The following RNF112 variants were observed in gnomAD, a reference collection of about 807,000 sequenced individuals.
The protein encoded by RNF112 is brain finger protein.
RNF112 carries 34 observed loss-of-function variants against 64.7 expected under a neutral mutation model. The ratio of observed to expected loss-of-function variants is 0.53; its 90% CI spans 0.40 to 0.70. The LOEUF (loss-of-function observed/expected upper bound fraction) is 0.70, where lower values mean the gene tolerates loss of function less well. Among genes scored for constraint, RNF112 ranks in the 30% least tolerant of loss-of-function variants. The probability of loss-of-function intolerance (pLI) is 0.00; values close to 1 mark genes in which losing one functional copy is unlikely to be tolerated. For synonymous variants in RNF112, 345 were observed against 344.5 expected (o/e 1.00, Z -0.02); for missense variants, 734 against 850.0 (o/e 0.86, Z 1.70).
At chr17:19,411,778 G>A (rs1016023138) in intron 2 of RNF112, 108 bp downstream of exon 2, 9 of 1,191,562 alleles carry the variant, frequency 7.6e-6, no homozygotes, top group Middle Eastern at 2.3e-4. Flanking sequence ...CGGGAGGGCT[G>A]TCCGCCTGAG....
Position 19,415,036 on chromosome 17 carries a change from A to G in RNF112, c.1127-2A>G. The G allele has an allele frequency of 1.3e-6, 2 of 1,586,162 alleles. No individual in the cohort carries two copies. The highest frequency in any genetic ancestry group is 2.3e-5 in the East Asian group (1 of 44,422). On this transcript the variant is annotated splice_acceptor_variant, in intron 10 of 13. Transcript: ENST00000461366. LOFTEE classifies it high-confidence loss of function. This position sits in a 1 kb window ranked among gnomAD's most constrained non-coding sequence, Gnocchi z 7.8. ...CTCTCAGCATGCACATCTCTCCCTC[A>G]GACACAGATGATGACTTCCGCCACC...
In RNF112 at chr17:19,412,060, C is replaced by T. The variant is rs1913680007; in HGVS notation, c.95+390C>T. ...GAGAGGCTCTTCCCAAGCATTTGCA[C>T]CAGGCACTGTGCAGACAGCTGCACA... On this transcript the variant is annotated intron_variant, in intron 2 of 13. Transcript: ENST00000461366. The surrounding 1 kb of genome is among the most constrained non-coding windows in gnomAD (Gnocchi z 5.1). 6.6e-6 allele frequency among the ~76,000 whole-genome samples: 1 copy of T among 152,214 alleles called. No individual in the cohort carries two copies. Among genetic ancestry groups the T allele is most frequent in the Non-Finnish European group, 1.5e-5 (1 of 68,034 alleles).
Position 19,411,308 on chromosome 17 carries a change from AG to A in RNF112, c.-100del. ...CCCGACCTCACCTTCTACCTACCGC[AG>A]CCTGCTAGCCTTTCCGGGAGAAAAG... On this transcript the variant is annotated 5_prime_UTR_variant, in exon 1 of 14. Coordinates refer to ENST00000461366, the MANE Select transcript of RNF112 (RefSeq NM_007148.5). 2.6e-6 allele frequency: 3 copies of A among 1,133,444 alleles called. No individual in the cohort carries two copies. The highest frequency in any genetic ancestry group is 3.1e-5 in the African/African-American group (2 of 64,958). 70.2% of individuals were successfully genotyped at this position (1,133,444 alleles called of 1,614,324 possible).
chr17:19,412,375 G>A lies in RNF112; in HGVS notation c.96-123G>A. On this transcript the variant is annotated intron_variant, in intron 2 of 13. Coordinates refer to ENST00000461366, the MANE Select transcript of RNF112 (RefSeq NM_007148.5). The surrounding 1 kb of genome is among the most constrained non-coding windows in gnomAD (Gnocchi z 5.1). ...TCCGCCTGTCCATGGAGGCACTGAT[G>A]GAAATTGGGTTGGCACAAAGGGACC... 9.3e-7 allele frequency: 1 copy of A among 1,073,286 alleles called. No homozygotes were observed. The allele number at this position is 1,073,286 out of a possible 1,614,324, so 66.5% of individuals were successfully genotyped here.
At position 19,412,745 on chromosome 17, in the gene RNF112, A is replaced by T. The variant is rs1214828489; in HGVS notation, c.343A>T (p.Lys115Ter). The change falls in exon 3 of 14, where the codon AAG becomes TAG. Residue 115 changes from lysine (K) to a stop codon, truncating the protein, a stop_gained. Transcript: ENST00000461366. LOFTEE classifies it high-confidence loss of function. This position sits in a 1 kb window ranked among gnomAD's most constrained non-coding sequence, Gnocchi z 5.1. ...RGLRSLGEKMKLLPQRPLPPA... is the reference protein window; with the variant it reads ...RGLRSLGEKM Reference sequence around the variant, plus strand: ...CCTCCGGAGCCTGGGCGAGAAGATGAAGCTCCTGCCGCAGCGGCCGCTGCC... The same window carrying T: ...CCTCCGGAGCCTGGGCGAGAAGATGTAGCTCCTGCCGCAGCGGCCGCTGCC... 6.2e-7 allele frequency: 1 copy of T among 1,612,794 alleles called. No homozygotes were observed. Among genetic ancestry groups the T allele is most frequent in the Non-Finnish European group, 8.5e-7 (1 of 1,179,716 alleles).
rs375319486 is a variant in RNF112 at position 19,414,666 on chromosome 17, T to A, written c.1008+6T>A. ...ATGTAGGCAACATCTTCCAGGTGAG[T>A]GGTGCAAGGGGATGGGGTGGAGGGG... On this transcript the variant is annotated splice_donor_region_variant and intron_variant, in intron 9 of 13. Coordinates refer to ENST00000461366, the MANE Select transcript of RNF112 (RefSeq NM_007148.5). 6.2e-7 allele frequency: 1 copy of A among 1,610,768 alleles called. No homozygotes were observed. Among genetic ancestry groups the A allele is most frequent in the African/African-American group, 1.3e-5 (1 of 74,620 alleles).
Position 19,415,507 on chromosome 17 carries a change from C to T in RNF112, c.1351-11C>T. 1.2e-6 allele frequency: 2 copies of T among 1,608,308 alleles called. No individual in the cohort carries two copies. The highest frequency in any genetic ancestry group is 2.2e-5 in the East Asian group (1 of 44,704). On this transcript the variant is annotated splice_polypyrimidine_tract_variant and intron_variant, in intron 12 of 13. Coordinates refer to ENST00000461366, the MANE Select transcript of RNF112 (RefSeq NM_007148.5). This position sits in a 1 kb window ranked among gnomAD's most constrained non-coding sequence, Gnocchi z 7.8. ...GAAGGAAGGAGGCAGCCTGGGTTTT[C>T]CCGTGGACAGATGGCTGCTCAGCTG... is the stretch of plus-strand genomic sequence containing the variant.
Position 19,415,039 on chromosome 17 carries a change from C to T in RNF112, c.1128C>T (p.Asp376=). Residue 376 remains aspartate (D), a splice_region_variant and synonymous_variant, in exon 11 of 14, where the codon GAC becomes GAT. Transcript: ENST00000461366. The surrounding 1 kb of genome is among the most constrained non-coding windows in gnomAD (Gnocchi z 7.8). ...TCAGCATGCACATCTCTCCCTCAGA[C>T]ACAGATGATGACTTCCGCCACCTTC... is the stretch of plus-strand genomic sequence containing the variant. The part of the protein sequence containing the change: ...RMNQGHASPG[D]TDDDFRHLLG... 6.3e-7 allele frequency: 1 copy of T among 1,587,132 alleles called. No individual in the cohort carries two copies. Among genetic ancestry groups the T allele is most frequent in the Non-Finnish European group, 8.6e-7 (1 of 1,165,034 alleles).
chr17:19,412,932 G>A lies in RNF112; in HGVS notation c.382-6G>A. 1.3e-6 allele frequency: 2 copies of A among 1,579,612 alleles called. No homozygotes were observed. The highest frequency in any genetic ancestry group is 1.7e-6 in the Non-Finnish European group (2 of 1,162,836). On this transcript the variant is annotated splice_region_variant and splice_polypyrimidine_tract_variant and intron_variant, in intron 3 of 13. Coordinates refer to ENST00000461366, the MANE Select transcript of RNF112 (RefSeq NM_007148.5). The surrounding 1 kb of genome is among the most constrained non-coding windows in gnomAD (Gnocchi z 5.1). ...GCTCAGGGGCCCCTCTCTTCTCCTGGCCCAGGAGACGTGTCCTGTGAGGGC... is the reference window on the plus strand; with the variant it reads ...GCTCAGGGGCCCCTCTCTTCTCCTGACCCAGGAGACGTGTCCTGTGAGGGC...
intron 7 of RNF112, 126 bp from the exon 8 acceptor site, chr17:19,414,323 A>G: frequency 8.2e-7 from 1 of 1,216,628 alleles, no homozygotes. Flanking sequence ...AGGCAGGAGA[A>G]CCCCAGGCTG....
Position 19,415,014 on chromosome 17 carries a change from T to G in RNF112, c.1127-24T>G. 6.3e-7 allele frequency: 1 copy of G among 1,582,318 alleles called. No homozygotes were observed. The highest frequency in any genetic ancestry group is 8.6e-7 in the Non-Finnish European group (1 of 1,161,208). On this transcript the variant is annotated intron_variant, in intron 10 of 13. Transcript: ENST00000461366. The surrounding 1 kb of genome is among the most constrained non-coding windows in gnomAD (Gnocchi z 7.8). ...TTCTCCTCCCAAAGCCCGCAGTCTCTCAGCATGCACATCTCTCCCTCAGAC... is the reference window on the plus strand; with the variant it reads ...TTCTCCTCCCAAAGCCCGCAGTCTCGCAGCATGCACATCTCTCCCTCAGAC...
chr17:19,414,831 G>C lies in RNF112; in HGVS notation c.1070G>C (p.Cys357Ser). The change falls in exon 10 of 14, where the codon TGC (cysteine) becomes TCC (serine). Residue 357 changes from cysteine (C) to serine (S), a missense_variant. Cys to Ser is a moderately radical substitution (Grantham distance 112). Coordinates refer to ENST00000461366, the MANE Select transcript of RNF112 (RefSeq NM_007148.5). ...CTGCAAGGGAAGCGAGCCCGTTGCT[G>C]CCTCTTGCCTGCCCCAGGGAGGCGG... is the stretch of plus-strand genomic sequence containing the variant. The part of the protein sequence containing the change: ...ELLQGKRARC[C>S]LLPAPGRRRM... 1.2e-6 allele frequency: 2 copies of C among 1,613,810 alleles called. No individual in the cohort carries two copies. Among genetic ancestry groups the C allele is most frequent in the Non-Finnish European group, 1.7e-6 (2 of 1,179,856 alleles).
In RNF112 at chr17:19,411,777, T is replaced by C. The variant is rs1913669021; in HGVS notation, c.95+107T>C. 3 of 1,213,170 alleles carry C rather than the reference T, an allele frequency of 2.5e-6. No homozygotes were observed. In the Admixed American group the frequency reaches 6.7e-5, roughly 27 times the overall value. 75.2% of individuals were successfully genotyped at this position (1,213,170 alleles called of 1,614,324 possible). Reference sequence around the variant, plus strand: ...AGCCCGGCAGCCCAGCCGGGAGGGCTGTCCGCCTGAGGCTGGATCCGCCAG... The same window carrying C: ...AGCCCGGCAGCCCAGCCGGGAGGGCCGTCCGCCTGAGGCTGGATCCGCCAG... On this transcript the variant is annotated intron_variant, in intron 2 of 13. Coordinates refer to ENST00000461366, the MANE Select transcript of RNF112 (RefSeq NM_007148.5).
rs1913654168 is a variant in RNF112, at chr17:19,411,533, C to T, written c.54+71C>T. 5 of 1,381,632 alleles carry T rather than the reference C, an allele frequency of 3.6e-6. No homozygotes were observed. In the East Asian group the frequency reaches 1.1e-4, roughly 31 times the overall value. The allele number at this position is 1,381,632 out of a possible 1,614,324, so 85.6% of individuals were successfully genotyped here. ...GGCCCTCCTTGGGCTGGGGGATGGG[C>T]CGGGGGTGGGGAGGATGAGGGGTCC... On this transcript the variant is annotated intron_variant, in intron 1 of 13. Coordinates refer to ENST00000461366, the MANE Select transcript of RNF112 (RefSeq NM_007148.5).
rs1913643583 is a variant in RNF112 at position 19,411,293 on chromosome 17, C to T, written c.-116C>T. The T allele has an allele frequency of 1.1e-6, 1 of 922,240 alleles. No individual in the cohort carries two copies. The highest frequency in any genetic ancestry group is 1.6e-6 in the Non-Finnish European group (1 of 606,138). 57.1% of individuals were successfully genotyped at this position (922,240 alleles called of 1,614,324 possible). ...TCGGGGATACCATCCCCCGACCTCA[C>T]CTTCTACCTACCGCAGCCTGCTAGC... On this transcript the variant is annotated 5_prime_UTR_variant, in exon 1 of 14. Transcript: ENST00000461366.
chr17:19,411,602 ATC>A, intron 1 of RNF112, 26 bp from the exon 2 acceptor site: 1 of 1,476,970 alleles, frequency 6.8e-7, no homozygotes. Flanking sequence ...TATGTTCTAA[ATC>A]TTTTTTTTTT....
intron 8 of RNF112, 25 bp downstream of exon 8, chr17:19,414,530 T>C (rs766337163): frequency 1.4e-5 from 22 of 1,613,842 alleles, no homozygotes; most frequent in East Asian, 1.1e-4. Flanking sequence ...TCTGGATTCA[T>C]TGGCCCCAGG....
rs759064611 is a variant in RNF112, at chr17:19,413,612, G to A, written c.756G>A (p.Met252Ile). 6.2e-7 allele frequency: 1 copy of A among 1,613,418 alleles called. No individual in the cohort carries two copies. The highest frequency in any genetic ancestry group is 1.1e-5 in the South Asian group (1 of 90,952). Residue 252 changes from methionine to isoleucine, a missense_variant, in exon 6 of 14, where the codon ATG (methionine) becomes ATA (isoleucine). Physicochemically the swap from Met to Ile is conservative, Grantham distance 10 (BLOSUM62 1). Transcript: ENST00000461366. This position sits in a 1 kb window ranked among gnomAD's most constrained non-coding sequence, Gnocchi z 5.9. ...AVFLVDTGDA[M>I]SPELSRETRI... ...TCCTGGTGGACACAGGGGATGCCAT[G>A]AGCCCTGAGCTGAGCAGGGAAACAA...
Position 19,416,260 on chromosome 17 carries a change from A to T in RNF112, c.*85A>T. 8.0e-7 allele frequency: 1 copy of T among 1,255,938 alleles called. No homozygotes were observed. Among genetic ancestry groups the T allele is most frequent in the East Asian group, 2.5e-5 (1 of 39,398 alleles). The allele number at this position is 1,255,938 out of a possible 1,614,324, so 77.8% of individuals were successfully genotyped here. ...AGGTCGGGGGAGGGTGATGCCAGGG[A>T]TTCCAAGGCACCGCCATGTACTGCA... On this transcript the variant is annotated 3_prime_UTR_variant, in exon 14 of 14. Transcript: ENST00000461366.
Sources: allele counts gnomAD v4.1 joint callset (sites outside exome capture counted in the v4.1 genomes callset), GRCh38; gene constraint gnomAD v4.1.1; non-coding constraint Gnocchi (gnomAD v3.1); transcripts MANE v1.5; gene names NCBI Gene and HGNC (gene_info 2026-07-23, HGNC 2026-07-21).